Variants in RGS20 observed in about 807,000 individuals in gnomAD.
RGS20 encodes gz-selective GTPase-activating protein.
A neutral mutation model predicts 33.6 loss-of-function variants in RGS20; 30 were observed. The observed-to-expected ratio is 0.89, with a 90% CI of 0.67 to 1.21. The LOEUF is 1.21. Ranked by LOEUF, RGS20 falls within the 50% of genes most tolerant of loss-of-function variation. RGS20 has a pLI of 0.00. For synonymous variants in RGS20, 208 were observed against 197.9 expected (o/e 1.05, Z -0.43); for missense variants, 472 against 502.4 (o/e 0.94, Z 0.58).
intron 5 of RGS20, among the ~76,000 whole-genome samples, chr8:53,955,202 T>C (rs975702547): frequency 6.6e-6 from 1 of 151,350 alleles, no homozygotes; most frequent in Non-Finnish European, 1.5e-5. Flanking sequence ...TCACTTTGAC[T>C]GTGGACTTGC....
intron 2 of RGS20, among the ~76,000 whole-genome samples, chr8:53,931,409 G>A (rs1465249278): frequency 6.6e-6 from 1 of 152,092 alleles, no homozygotes; most frequent in African/African-American, 2.4e-5. Context: ...ACAAAAATTA[G>A]CTGGGCGTGG....
intron 2 of RGS20, 56 bp downstream of exon 1, chr8:53,881,140 T>G (rs375056685): frequency 1.5e-6 from 2 of 1,338,020 alleles, no homozygotes; most frequent in African/African-American, 3.0e-5. Context: ...GCCCTGAGGC[T>G]TCGTGCTGGA....
In RGS20 at chr8:53,954,402, G is replaced by A. The variant is rs532182105; in HGVS notation, c.978+92G>A. 43 of 830,448 alleles carry A rather than the reference G, an allele frequency of 5.2e-5. No homozygotes were observed. In the South Asian group the frequency reaches 5.3e-4, roughly 10 times the overall value. 51.4% of individuals were successfully genotyped at this position (830,448 alleles called of 1,614,324 possible). A position where few individuals can be genotyped will look rare whatever the true frequency, so the allele number is the denominator to read the frequency against. On this transcript the variant is annotated intron_variant, in intron 5 of 5. Transcript: ENST00000297313. ...CCATAGGCCGGGCACAGTGGCTCAC[G>A]TCTGTAATCCCAGCACTTTGGGAGG...
intron 2 of RGS20, among the ~76,000 whole-genome samples, chr8:53,884,413 G>A (rs907297662): frequency 2.6e-5 from 4 of 151,974 alleles, no homozygotes; most frequent in Non-Finnish European, 5.9e-5. Context: ...CAGGGCTGAT[G>A]AACAGCCAGT....
At position 53,877,473 on chromosome 8, in the gene RGS20, G is replaced by C. The variant is rs1331503062; in HGVS notation, c.166-1785G>C. Among the ~76,000 whole-genome samples, 4 of 152,214 alleles carry C rather than the reference G, an allele frequency of 2.6e-5. No homozygotes were observed. Among genetic ancestry groups the C allele is most frequent in the Non-Finnish European group, 5.9e-5 (4 of 68,032 alleles). On this transcript the variant is annotated intron_variant, in intron 1 of 5. Transcript: ENST00000297313. This position sits in a 1 kb window ranked among gnomAD's most constrained non-coding sequence, Gnocchi z 5.7. Reference sequence around the variant, plus strand: ...CCCCAAGCCCCAGCCGGAGGGGCGCGTCCCCTGTCCTCCTCCCGAGCGAGA... The same window carrying C: ...CCCCAAGCCCCAGCCGGAGGGGCGCCTCCCCTGTCCTCCTCCCGAGCGAGA...
intron 2 of RGS20, among the ~76,000 whole-genome samples, chr8:53,938,309 C>T (rs1228270907): frequency 1.3e-5 from 2 of 152,138 alleles, no homozygotes; most frequent in African/African-American, 4.8e-5. Context: ...TGAATGTTCT[C>T]GCTCATAAGT....
At chr8:53,917,181 CTTG>C (rs1437932176) in intron 2 of RGS20, among the ~76,000 whole-genome samples, 2 of 152,012 alleles carry the variant, frequency 1.3e-5, no homozygotes, top group Non-Finnish European at 2.9e-5. Flanking sequence ...GAATTTCACT[CTTG>C]TTGCCCAGGC....
At chr8:53,862,749 T>C (rs1477190709) in intron 1 of RGS20, among the ~76,000 whole-genome samples, 1 of 152,184 alleles carries the variant, frequency 6.6e-6, no homozygotes, top group East Asian at 1.9e-4. Context: ...CAGTGAGCTA[T>C]GATCATGCCA....
At chr8:53,872,768 G>A (rs545161243) in intron 1 of RGS20, among the ~76,000 whole-genome samples, 1 of 152,294 alleles carries the variant, frequency 6.6e-6, no homozygotes, top group Admixed American at 6.5e-5. Flanking sequence ...AGAGAATAAA[G>A]AGTAATTAAC....
At chr8:53,922,638 T>TTTAG (rs1293581150) in intron 2 of RGS20, among the ~76,000 whole-genome samples, 4 of 152,182 alleles carry the variant, frequency 2.6e-5, no homozygotes, top group Admixed American at 2.0e-4. Flanking sequence ...ACCATTTTAC[T>TTTAG]TTAGTTATTT....
intron 5 of RGS20, among the ~76,000 whole-genome samples, chr8:53,957,608 T>C (rs145634234): frequency 7.2e-5 from 11 of 152,362 alleles, no homozygotes; most frequent in African/African-American, 2.6e-4. Context: ...AGGGGCAGTC[T>C]GTGCTGCCTG....
intron 2 of RGS20, among the ~76,000 whole-genome samples, chr8:53,915,169 C>G (rs933641205): frequency 6.6e-6 from 1 of 151,964 alleles, no homozygotes; most frequent in Admixed American, 6.6e-5. Flanking sequence ...AGTTCAGTCC[C>G]CTTGAAATCA....
chr8:53,890,490 T>C (rs1812683739), intron 2 of RGS20, among the ~76,000 whole-genome samples: 1 of 152,208 alleles, frequency 6.6e-6, no homozygotes, highest in African/African-American at 2.4e-5. Context: ...ACATTGTATA[T>C]AAAGAAACTG....
intron 1 of RGS20, among the ~76,000 whole-genome samples, chr8:53,875,510 A>G (rs994699440): frequency 2.0e-5 from 3 of 151,904 alleles, no homozygotes; most frequent in Non-Finnish European, 2.9e-5. Context: ...TTACTTGGCT[A>G]GTAATACCTA....
intron 2 of RGS20, among the ~76,000 whole-genome samples, chr8:53,888,891 T>A (rs918106391): frequency 6.6e-6 from 1 of 152,244 alleles, no homozygotes; most frequent in Non-Finnish European, 1.5e-5. Context: ...TTGTACGTGT[T>A]GTTATTTTTT....
intron 1 of RGS20, among the ~76,000 whole-genome samples, chr8:53,867,346 C>T (rs1811943586): frequency 6.6e-6 from 1 of 152,182 alleles, no homozygotes; most frequent in Non-Finnish European, 1.5e-5. Context: ...CTTCCACCAG[C>T]TCTTGGGATT....
chr8:53,949,864 G>T (rs938433674), intron 4 of RGS20, among the ~76,000 whole-genome samples: 1 of 149,932 alleles, frequency 6.7e-6, no homozygotes, highest in Admixed American at 6.6e-5. Flanking sequence ...TTTTGAGATG[G>T]AGTCTAGCTC....
chr8:53,951,165 C>CGAAA (rs1814699657), intron 4 of RGS20, among the ~76,000 whole-genome samples: 2 of 152,094 alleles, frequency 1.3e-5, no homozygotes, highest in Admixed American at 1.3e-4. Flanking sequence ...ACTGATATTT[C>CGAAA]TAACAGATAG....
chr8:53,896,316 A>C (rs903635613), intron 2 of RGS20, among the ~76,000 whole-genome samples: 5 of 152,068 alleles, frequency 3.3e-5, no homozygotes, highest in Admixed American at 3.3e-4. Context: ...ACACATGAAA[A>C]TTTTACAGAA....
Sources: gnomAD v4.1 joint callset for allele counts (sites outside exome capture counted in the v4.1 genomes callset) on GRCh38, gnomAD v4.1.1 for gene constraint, Gnocchi (gnomAD v3.1) non-coding constraint, MANE v1.5 for transcripts, NCBI Gene and HGNC (gene_info 2026-07-23, HGNC 2026-07-21) for gene names.